The following MASP1 variants were observed in gnomAD, a reference collection of about 807,000 sequenced individuals.
The protein encoded by MASP1 is MBL associated serine protease 1.
Under a neutral mutation model 77.1 loss-of-function variants are expected in MASP1, and 59 were observed. That is an observed-to-expected ratio of 0.77 (90% CI 0.62 to 0.95). The LOEUF (loss-of-function observed/expected upper bound fraction) is 0.95, where lower values mean the gene tolerates loss of function less well. Ranked by LOEUF, MASP1 falls within the 40% of genes least tolerant of loss-of-function variation. MASP1 has a pLI of 0.00. For synonymous variants in MASP1, 362 were observed against 354.5 expected, an observed-to-expected ratio of 1.02 and a Z score of -0.24; for missense variants, 885 against 912.9, an observed-to-expected ratio of 0.97 and a Z score of 0.39.
At chr3:187,259,781 GA>G (rs1210452179) in intron 4 of MASP1, among the ~76,000 whole-genome samples, 6 of 152,210 alleles carry the variant, frequency 3.9e-5, no homozygotes, top group Non-Finnish European at 5.9e-5. Flanking sequence ...GAAGGAGGAA[GA>G]AAAAAACTTT....
intron 8 of MASP1, among the ~76,000 whole-genome samples, chr3:187,248,622 C>T (rs968403308): frequency 2.6e-5 from 4 of 152,160 alleles, no homozygotes; most frequent in African/African-American, 7.2e-5. Flanking sequence ...CACAGCACTG[C>T]ACCTCGAGCC....
At position 187,225,424 on chromosome 3, in the gene MASP1, GT is replaced by G. The variant is rs1444127147; in HGVS notation, c.1640del (p.Asn547ThrfsTer18). The G allele has an allele frequency of 6.2e-7, 1 of 1,614,210 alleles. No individual in the cohort carries two copies. The highest frequency in any genetic ancestry group is 8.5e-7 in the Non-Finnish European group (1 of 1,180,042). On this transcript the variant is annotated frameshift_variant, in exon 13 of 16. Coordinates refer to the MASP1 transcript ENST00000337774. LOFTEE classifies it high-confidence loss of function. ...CCAGAGCCACGTCATTCTCGAATGT[GT>G]TGGGATCATACTGGGGGTGGAGAGT...
chr3:187,220,084 C>T lies in MASP1; in HGVS notation c.2087G>A (p.Gly696Glu), dbSNP rs751744698. 9 of 1,613,564 alleles carry T rather than the reference C, an allele frequency of 5.6e-6. No homozygotes were observed. The East Asian group carries it at 1.3e-4, about 24-fold the overall frequency. Residue 696 changes from glycine to glutamate, a missense_variant, in exon 16 of 16, where the codon GGA (glycine) becomes GAA (glutamate). Coordinates refer to the MASP1 transcript ENST00000337774. ...GAGGAGCCAAATTCAGTTCCTCACT[C>T]CGGTGACCCTCTGGATCCAGTCCTT...
At chr3:187,291,375 G>C in intron 1 of MASP1, 6 of 576,606 alleles carry the variant, frequency 1.0e-5, no homozygotes, top group Middle Eastern at 2.7e-4. Context: ...GGAGAAATCT[G>C]AGCTTCAGCA....
intron 1 of MASP1, chr3:187,291,286 G>C (rs1251641990): frequency 2.3e-6 from 1 of 436,458 alleles, no homozygotes; most frequent in Non-Finnish European, 4.3e-6. Flanking sequence ...TCCAGAGGAG[G>C]AACACGGAAA....
intron 3 of MASP1, among the ~76,000 whole-genome samples, chr3:187,261,334 G>A (rs1015032656): frequency 6.6e-6 from 1 of 152,230 alleles, no homozygotes; most frequent in African/African-American, 2.4e-5. Flanking sequence ...TGGGTACAGA[G>A]CTTGTGCTCT....
At chr3:187,250,371 G>C (rs1434220673) in intron 7 of MASP1, 42 bp from the exon 8 acceptor site, 3 of 1,473,434 alleles carry the variant, frequency 2.0e-6, no homozygotes, top group Non-Finnish European at 1.9e-6. Flanking sequence ...GAAGGAGGTG[G>C]GGGTGGTGTC....
chr3:187,283,708 TTAGAAAGTTCATATC>T (rs1264778338), intron 2 of MASP1, among the ~76,000 whole-genome samples: 3 of 152,230 alleles, frequency 2.0e-5, no homozygotes, highest in African/African-American at 7.2e-5. Context: ...AAAAATGTGG[TTAGAAAGTTCATATC>T]TAGCCTTGTC....
downstream of MASP1, among the ~76,000 whole-genome samples, chr3:187,230,509 T>A (rs1362556509): frequency 6.6e-6 from 1 of 152,236 alleles, no homozygotes; most frequent in African/African-American, 2.4e-5. Context: ...TTGGTTTATG[T>A]CACTTACAAA....
At chr3:187,278,377 C>A (rs192366202) in intron 2 of MASP1, among the ~76,000 whole-genome samples, 1 of 150,358 alleles carries the variant, frequency 6.7e-6, no homozygotes, top group African/African-American at 2.4e-5. Context: ...CTCTTCCTTT[C>A]AACTGATGAC....
At chr3:187,277,595 C>A (rs557663036) in intron 2 of MASP1, among the ~76,000 whole-genome samples, 1 of 152,220 alleles carries the variant, frequency 6.6e-6, no homozygotes, top group African/African-American at 2.4e-5. Context: ...CAACAGGACC[C>A]CTTCCACAGT....
At position 187,260,825 on chromosome 3, in the gene MASP1, G is replaced by C. The variant is rs1715512877; in HGVS notation, c.463C>G (p.His155Asp). ...CCGCCAATGTAGTTGTGGCAGTAGT[G>C]GTCACAGGACAGCTCCTCGTCCTCC... ...EREDEELSCD[H>D]YCHNYIGGYY... is the part of the protein sequence containing the mutation. The change falls in exon 4 of 11, where the codon CAC becomes GAC. Residue 155 changes from histidine to aspartate, a missense_variant. His to Asp is a moderately conservative substitution (Grantham distance 81). Transcript: ENST00000296280. 1 of 1,614,002 alleles carries C rather than the reference G, an allele frequency of 6.2e-7. No homozygotes were observed. Among genetic ancestry groups the C allele is most frequent in the African/African-American group, 1.3e-5 (1 of 74,892 alleles).
intron 2 of MASP1, among the ~76,000 whole-genome samples, chr3:187,277,358 T>A (rs1335341126): frequency 6.6e-6 from 1 of 152,084 alleles, no homozygotes; most frequent in Admixed American, 6.6e-5. Flanking sequence ...TCAGAAAGGA[T>A]GTACTACAAG....
At chr3:187,251,375 C>G (rs1027478226) in intron 7 of MASP1, 32 of 474,510 alleles carry the variant, frequency 6.7e-5, no homozygotes, top group African/African-American at 5.9e-4. Flanking sequence ...CTGTATGGAT[C>G]CATATTTTAA....
At chr3:187,251,422 A>C (rs574893297) in intron 7 of MASP1, 14 of 560,932 alleles carry the variant, frequency 2.5e-5, no homozygotes, top group East Asian at 9.3e-5. Flanking sequence ...TAAAAAAAAA[A>C]AAAAAACAAA....
intron 8 of MASP1, among the ~76,000 whole-genome samples, chr3:187,249,169 C>T (rs748925329): frequency 1.1e-4 from 16 of 152,134 alleles, no homozygotes; most frequent in South Asian, 2.1e-4. Flanking sequence ...GCAATTCTCC[C>T]GCCTCAGCCT....
chr3:187,245,100 T>C (rs1713970010), intron 8 of MASP1: 1 of 152,230 alleles, frequency 6.6e-6, no homozygotes, highest in Admixed American at 6.5e-5. Context: ...CCTGGACAAA[T>C]CATCTCCATT....
At chr3:187,244,210 T>C (rs1307069183) in intron 8 of MASP1, 1 of 161,124 alleles carries the variant, frequency 6.2e-6, no homozygotes, top group Non-Finnish European at 1.4e-5. Context: ...GGAGGCAGGG[T>C]TGGAGGTGGA....
In MASP1 at chr3:187,264,816, T is replaced by C. The variant is rs557422059; in HGVS notation, c.238-2096A>G. Among the ~76,000 whole-genome samples, 5 of 152,324 alleles carry C rather than the reference T, an allele frequency of 3.3e-5. No individual in the cohort carries two copies. In the East Asian group the frequency reaches 5.8e-4, roughly 18 times the overall value. On this transcript the variant is annotated intron_variant, in intron 2 of 10. Coordinates refer to ENST00000296280, the MANE Select transcript of MASP1 (RefSeq NM_139125.4). ...TAGAACTTAATAAAAAAAAGCTAAATAGATTTAGAATGAGGGCCTGGGAAA... is the reference window on the plus strand; with the variant it reads ...TAGAACTTAATAAAAAAAAGCTAAACAGATTTAGAATGAGGGCCTGGGAAA...
Sources: allele counts gnomAD v4.1 joint callset (sites outside exome capture counted in the v4.1 genomes callset), GRCh38; gene constraint gnomAD v4.1.1; transcripts MANE v1.5; gene names NCBI Gene and HGNC (gene_info 2026-07-23, HGNC 2026-07-21).